The following XPNPEP3 variants were observed in gnomAD, a reference collection of about 807,000 sequenced individuals.
XPNPEP3 encodes the protein xaa-Pro aminopeptidase 3.
Under a neutral mutation model 60.0 loss-of-function variants are expected in XPNPEP3, and 41 were observed. That is an observed-to-expected ratio of 0.68 (90% CI 0.53 to 0.89). XPNPEP3 has a LOEUF of 0.89. Ranked by LOEUF, XPNPEP3 falls within the 40% of genes least tolerant of loss-of-function variation. The pLI is 0.00. For synonymous variants in XPNPEP3, 212 were observed against 223.2 expected (o/e 0.95, Z 0.45); for missense variants, 598 against 638.9 (o/e 0.94, Z 0.69).
At position 40,865,005 on chromosome 22, in the gene XPNPEP3, A is replaced by C. The variant is rs77732248; in HGVS notation, c.65-3994A>C. ...TAAGAAATTCATATAGTTTGAAAAA[A>C]CTAATTTCAGTGGAGTGTAAAGTTA... On this transcript the variant is annotated intron_variant, in intron 1 of 9. Coordinates refer to ENST00000357137, the MANE Select transcript of XPNPEP3 (RefSeq NM_022098.4). 1.1e-3 allele frequency among the ~76,000 whole-genome samples: 166 copies of C among 152,256 alleles called. 2 individuals carry two copies. The East Asian group carries it at 0.027, about 25-fold the overall frequency.
chr22:40,915,567 A>G (rs532132372), intron 7 of XPNPEP3, among the ~76,000 whole-genome samples: 1 of 151,964 alleles, frequency 6.6e-6, no homozygotes, highest in African/African-American at 2.4e-5. Context: ...AAAAAAAAAG[A>G]AAAACTATAA....
intron 7 of XPNPEP3, among the ~76,000 whole-genome samples, 198 bp from the exon 8 acceptor site, chr22:40,922,135 T>A (rs944001061): frequency 1.3e-5 from 2 of 152,260 alleles, no homozygotes; most frequent in Middle Eastern, 3.4e-3. Flanking sequence ...TGCTCCAGCT[T>A]GAAGGATTGT....
At chr22:40,864,273 C>T (rs1377596923) in intron 1 of XPNPEP3, among the ~76,000 whole-genome samples, 1 of 152,112 alleles carries the variant, frequency 6.6e-6, no homozygotes, top group Non-Finnish European at 1.5e-5. Flanking sequence ...GGGAGTGTAG[C>T]AGTGAGGACA....
chr22:40,858,242 G>C lies in XPNPEP3; in HGVS notation c.64+997G>C, dbSNP rs139468205. ...TGCCTCAGCCTCCCGAGGTAGCTGG[G>C]ATTATAGGCGTGTGCCACCACGCCT... On this transcript the variant is annotated intron_variant, in intron 1 of 9. Coordinates refer to ENST00000357137, the MANE Select transcript of XPNPEP3 (RefSeq NM_022098.4). Among the ~76,000 whole-genome samples the C allele has an allele frequency of 3.8e-3, 577 of 152,194 alleles. 2 individuals are homozygous for C. The highest frequency in any genetic ancestry group is 0.012 in the African/African-American group (515 of 41,524).
chr22:40,869,141 C>T (rs1387858211), intron 2 of XPNPEP3, 26 bp downstream of exon 2: 2 of 1,578,026 alleles, frequency 1.3e-6, no homozygotes, highest in Non-Finnish European at 1.7e-6. Context: ...TGTGCTATCT[C>T]CCCATTTAGG....
intron 2 of XPNPEP3, among the ~76,000 whole-genome samples, chr22:40,871,381 T>C (rs2058004942): frequency 2.0e-5 from 3 of 152,166 alleles, no homozygotes; most frequent in Admixed American, 6.5e-5. Flanking sequence ...TCTTACGCAG[T>C]TGGCTTGTTA....
chr22:40,895,636 A>G (rs899235016), intron 4 of XPNPEP3, among the ~76,000 whole-genome samples: 2 of 152,074 alleles, frequency 1.3e-5, no homozygotes, highest in Admixed American at 6.6e-5. Context: ...CACCCGGCCC[A>G]GACTTTTTTA....
Position 40,922,486 on chromosome 22 carries a change from G to T in XPNPEP3, c.1209G>T (p.Lys403Asn). The change falls in exon 8 of 10, where the codon AAG (lysine) becomes AAT (asparagine). Residue 403 changes from lysine (K) to asparagine (N), a missense_variant. By Grantham distance (94) the Lys-to-Asn change is moderately conservative. Transcript: ENST00000357137. Reference protein sequence around the residue: ...GQKLKDLGIMKNIKENNAFKA... With the variant: ...GQKLKDLGIMNNIKENNAFKA... ...AGCTTAAAGACTTGGGGATCATGAA[G>T]AACATTAAGGAAAATAATGCCTTCA... 6.2e-7 allele frequency: 1 copy of T among 1,614,004 alleles called. No homozygotes were observed. Among genetic ancestry groups the T allele is most frequent in the East Asian group, 2.2e-5 (1 of 44,878 alleles).
chr22:40,862,045 T>A, intron 1 of XPNPEP3: 1 of 1,536,564 alleles, frequency 6.5e-7, no homozygotes, highest in Non-Finnish European at 8.7e-7. Context: ...GAACCGTGGT[T>A]TCCTCAGCTC....
At chr22:40,900,318 A>T (rs1278563226) in intron 4 of XPNPEP3, among the ~76,000 whole-genome samples, 1 of 151,940 alleles carries the variant, frequency 6.6e-6, no homozygotes, top group Non-Finnish European at 1.5e-5. Context: ...AAAAAAAAAA[A>T]AAAAGGCCGG....
At position 40,857,162 on chromosome 22, in the gene XPNPEP3, G is replaced by A. The variant is rs1301009221; in HGVS notation, c.-20G>A. The A allele has an allele frequency of 1.9e-6, 3 of 1,614,012 alleles. No homozygotes were observed. In the East Asian group the frequency reaches 6.7e-5, roughly 36 times the overall value. On this transcript the variant is annotated 5_prime_UTR_variant, in exon 1 of 10. Coordinates refer to ENST00000357137, the MANE Select transcript of XPNPEP3 (RefSeq NM_022098.4). ...CCGTCGTTACCCTCTTTCTCTTCCC[G>A]ACGCGTGAGTTAGGCCGTAATGCCT...
chr22:40,878,839 C>T (rs1047064753), intron 2 of XPNPEP3, among the ~76,000 whole-genome samples: 2 of 152,054 alleles, frequency 1.3e-5, no homozygotes, highest in African/African-American at 4.8e-5. Flanking sequence ...CTGCCTGCCT[C>T]GGCCTCTCAA....
intron 5 of XPNPEP3, 98 bp from the exon 6 acceptor site, chr22:40,909,022 AAG>A (rs2058166659): frequency 1.1e-6 from 1 of 892,438 alleles, no homozygotes; most frequent in Non-Finnish European, 1.9e-6. Flanking sequence ...GTAATGACTT[AAG>A]ATAAGTACTG....
intron 4 of XPNPEP3, among the ~76,000 whole-genome samples, chr22:40,902,600 G>A (rs932340928): frequency 6.6e-6 from 1 of 152,138 alleles, no homozygotes; most frequent in South Asian, 2.1e-4. Flanking sequence ...GGTCAGGCTG[G>A]TTTCAAACTC....
At chr22:40,903,705 G>T (rs927442172) in intron 4 of XPNPEP3, among the ~76,000 whole-genome samples, 1 of 151,954 alleles carries the variant, frequency 6.6e-6, no homozygotes, top group Non-Finnish European at 1.5e-5. Context: ...GGCCAAGCAG[G>T]TCTTGAACTC....
At chr22:40,862,691 G>A (rs1023474450) in intron 1 of XPNPEP3, 1 of 985,452 alleles carries the variant, frequency 1.0e-6, no homozygotes, top group African/African-American at 1.7e-5. Flanking sequence ...TAAGTCATTT[G>A]AGATTATAGT....
chr22:40,923,328 C>G (rs1279410179), intron 8 of XPNPEP3, among the ~76,000 whole-genome samples: 3 of 151,894 alleles, frequency 2.0e-5, no homozygotes, highest in Admixed American at 2.0e-4. Context: ...CAGCAATATT[C>G]CCAAAGACCA....
In XPNPEP3 at chr22:40,893,073, A is replaced by G. The variant is rs554456186; in HGVS notation, c.792+6558A>G. Among the ~76,000 whole-genome samples, 70 of 147,786 alleles carry G rather than the reference A, an allele frequency of 4.7e-4. No homozygotes were observed. The South Asian group carries it at 0.014, about 29-fold the overall frequency. The stretch of plus-strand genomic sequence containing the variant: ...AAATTTAACTGGCTAAATTTGAAAT[A>G]TTATTTATATTATATATTTAGTTTA... On this transcript the variant is annotated intron_variant, in intron 4 of 9. Coordinates refer to ENST00000357137, the MANE Select transcript of XPNPEP3 (RefSeq NM_022098.4).
intron 4 of XPNPEP3, among the ~76,000 whole-genome samples, chr22:40,897,217 A>G (rs1393312629): frequency 6.6e-6 from 1 of 151,606 alleles, no homozygotes; most frequent in East Asian, 1.9e-4. Flanking sequence ...TTTAGTAGAG[A>G]TGGGGTTTCA....
Sources: gnomAD v4.1 joint callset for allele counts (sites outside exome capture counted in the v4.1 genomes callset) on GRCh38, gnomAD v4.1.1 for gene constraint, MANE v1.5 for transcripts, NCBI Gene and HGNC (gene_info 2026-07-23, HGNC 2026-07-21) for gene names.